The following NEK7 variants were observed in gnomAD, a reference collection of about 807,000 sequenced individuals.
The protein encoded by NEK7 is serine/threonine-protein kinase Nek7.
Under a neutral mutation model 44.6 loss-of-function variants are expected in NEK7, and 18 were observed. The observed-to-expected ratio is 0.40, with a 90% CI of 0.28 to 0.60. The LOEUF (loss-of-function observed/expected upper bound fraction) is 0.60. Ranked by LOEUF, NEK7 falls within the 20% of genes least tolerant of loss-of-function variation. The pLI, the probability that NEK7 is intolerant of heterozygous loss-of-function variation, is 0.38. For synonymous variants in NEK7, 130 were observed against 121.1 expected (o/e 1.07, Z -0.48); for missense variants, 256 against 366.5 (o/e 0.70, Z 2.46).
intron 1 of NEK7, among the ~76,000 whole-genome samples, chr1:198,200,331 T>C (rs1268771873): frequency 6.6e-6 from 1 of 152,190 alleles, no homozygotes; most frequent in African/African-American, 2.4e-5. Flanking sequence ...CTGTATCCAA[T>C]TTCTTGGCCA....
At chr1:198,198,314 C>T (rs1665306519) in intron 1 of NEK7, 1 of 389,462 alleles carries the variant, frequency 2.6e-6, no homozygotes, top group Admixed American at 4.4e-5. Context: ...ACATTACGAG[C>T]ACTGTGGAAG....
At chr1:198,226,362 T>A (rs1020121633) in intron 1 of NEK7, among the ~76,000 whole-genome samples, 1 of 151,936 alleles carries the variant, frequency 6.6e-6, no homozygotes, top group Non-Finnish European at 1.5e-5. Flanking sequence ...CTGACCAACA[T>A]GGTAAAACCC....
chr1:198,209,697 C>G (rs750850737), intron 1 of NEK7, among the ~76,000 whole-genome samples: 1 of 152,036 alleles, frequency 6.6e-6, no homozygotes, highest in Non-Finnish European at 1.5e-5. Flanking sequence ...GATGGAGTCT[C>G]GCTATGTTGC....
At chr1:198,205,103 T>C (rs893053942) in intron 1 of NEK7, among the ~76,000 whole-genome samples, 3 of 152,186 alleles carry the variant, frequency 2.0e-5, no homozygotes, top group Non-Finnish European at 2.9e-5. Flanking sequence ...AAAAACCCCA[T>C]TGCTTATTTT....
At chr1:198,310,563 T>C (rs986889755) in intron 9 of NEK7, among the ~76,000 whole-genome samples, 3 of 144,538 alleles carry the variant, frequency 2.1e-5, no homozygotes, top group Non-Finnish European at 4.5e-5. Context: ...TTCTAGGGTT[T>C]TTATGGTTAT....
At chr1:198,214,842 T>G (rs1665869117) in intron 1 of NEK7, among the ~76,000 whole-genome samples, 1 of 152,180 alleles carries the variant, frequency 6.6e-6, no homozygotes, top group African/African-American at 2.4e-5. Context: ...CCTGGGAGAC[T>G]TATTACAAGA....
Position 198,171,251 on chromosome 1 carries a change from A to G in NEK7, c.-29+13975A>G, listed in dbSNP as rs571524659. Among the ~76,000 whole-genome samples, 132 of 152,306 alleles carry G rather than the reference A, an allele frequency of 8.7e-4. 1 individual carries two copies. Among genetic ancestry groups the G allele is most frequent in the Middle Eastern group, 3.4e-3 (1 of 294 alleles). ...TTCTTTTTTTCCCTTCAGATTTAAA[A>G]TTGAGTTGAATTTATTTATGCTTTT... On this transcript the variant is annotated intron_variant, in intron 1 of 9. Transcript: ENST00000367385.
At chr1:198,222,437 T>G (rs1666097797) in intron 1 of NEK7, among the ~76,000 whole-genome samples, 1 of 152,206 alleles carries the variant, frequency 6.6e-6, no homozygotes, top group Non-Finnish European at 1.5e-5. Context: ...CAGTTAGGTT[T>G]TTCTGTGTGA....
At chr1:198,165,054 A>G (rs1317535204) in intron 1 of NEK7, among the ~76,000 whole-genome samples, 1 of 152,218 alleles carries the variant, frequency 6.6e-6, no homozygotes, top group Non-Finnish European at 1.5e-5. Flanking sequence ...CTCCTCATCC[A>G]TTGAAGTTTT....
chr1:198,281,615 A>T (rs187890111), intron 7 of NEK7, among the ~76,000 whole-genome samples: 7 of 152,212 alleles, frequency 4.6e-5, no homozygotes, highest in Non-Finnish European at 7.4e-5. Context: ...AAATGCAAAG[A>T]TATATAGGAT....
At chr1:198,174,064 T>C (rs977850876) in intron 1 of NEK7, among the ~76,000 whole-genome samples, 2 of 152,218 alleles carry the variant, frequency 1.3e-5, no homozygotes, top group African/African-American at 4.8e-5. Context: ...TGAAATAATT[T>C]GGCAGAGTTT....
intron 9 of NEK7, among the ~76,000 whole-genome samples, chr1:198,305,953 C>A (rs1320519886): frequency 6.6e-6 from 1 of 152,116 alleles, no homozygotes; most frequent in Non-Finnish European, 1.5e-5. Flanking sequence ...CCCTGCAGAT[C>A]AAGTTAGAAT....
At chr1:198,314,487 C>G (rs1008558191) in intron 9 of NEK7, among the ~76,000 whole-genome samples, 1 of 152,182 alleles carries the variant, frequency 6.6e-6, no homozygotes, top group Admixed American at 6.5e-5. Context: ...GAACTGCATT[C>G]CTTTGGAGGA....
intron 1 of NEK7, among the ~76,000 whole-genome samples, chr1:198,181,178 GT>G: frequency 6.6e-6 from 1 of 152,006 alleles, no homozygotes; most frequent in East Asian, 1.9e-4. Context: ...CATTATCTTA[GT>G]TTTTTTTGTT....
chr1:198,268,787 T>C (rs1653743072), intron 5 of NEK7, among the ~76,000 whole-genome samples: 1 of 152,126 alleles, frequency 6.6e-6, no homozygotes, highest in Non-Finnish European at 1.5e-5. Flanking sequence ...CCTAGAGCAG[T>C]GCCTAGCACA....
intron 7 of NEK7, among the ~76,000 whole-genome samples, chr1:198,284,608 C>G (rs926152779): frequency 1.3e-5 from 2 of 152,136 alleles, no homozygotes; most frequent in African/African-American, 4.8e-5. Context: ...AATAAATTTT[C>G]TCGTATCGTA....
At chr1:198,233,590 G>A (rs1023656265) in intron 2 of NEK7, among the ~76,000 whole-genome samples, 1 of 152,108 alleles carries the variant, frequency 6.6e-6, no homozygotes, top group Non-Finnish European at 1.5e-5. Flanking sequence ...TTTCACAAGA[G>A]TTCTATAGTC....
At chr1:198,317,878 T>TTTTA (rs1655416095) in intron 9 of NEK7, among the ~76,000 whole-genome samples, 1 of 47,892 alleles carries the variant, frequency 2.1e-5, no homozygotes, top group Non-Finnish European at 4.6e-5. Context: ...GATATATTTA[T>TTTTA]TTTTTTTTTT....
chr1:198,227,183 A>AC (rs1666251967), intron 1 of NEK7, among the ~76,000 whole-genome samples: 1 of 152,124 alleles, frequency 6.6e-6, no homozygotes, highest in African/African-American at 2.4e-5. Context: ...CCGTGTCCCT[A>AC]CAAAGGACAT....
Sources: gnomAD v4.1 joint callset for allele counts (sites outside exome capture counted in the v4.1 genomes callset) on GRCh38, gnomAD v4.1.1 for gene constraint, MANE v1.5 for transcripts, NCBI Gene and HGNC (gene_info 2026-07-23, HGNC 2026-07-21) for gene names.